EYS: variants seen among roughly 807,000 people sequenced by gnomAD.
EYS encodes the protein protein eyes shut homolog.
EYS carries 250 observed loss-of-function variants against 282.1 expected under a neutral mutation model. The ratio of observed to expected loss-of-function variants is 0.89; its 90% CI spans 0.80 to 0.98. The LOEUF (loss-of-function observed/expected upper bound fraction) is 0.98, where lower values mean the gene tolerates loss of function less well. EYS is among the 50% of genes least tolerant of loss of function. EYS has a pLI of 0.00. For missense variants in EYS, 4,016 were observed against 3,709.0 expected, an observed-to-expected ratio of 1.08 and a Z score of -2.15; for synonymous variants, 1,355 against 1,282.9, an observed-to-expected ratio of 1.06 and a Z score of -1.20.
chr6:65,706,337 T>G (rs1221791824), intron 1 of EYS, among the ~76,000 whole-genome samples: 1 of 151,990 alleles, frequency 6.6e-6, no homozygotes, highest in Non-Finnish European at 1.5e-5. Context: ...TAGTTCAACA[T>G]ACCTGATTTC....
Position 63,935,126 on chromosome 6 carries a change from CA to C in EYS, c.7055+49256del, listed in dbSNP as rs1765018534. On this transcript the variant is annotated intron_variant, in intron 35 of 42. Transcript: ENST00000503581. ...ATGGAAATTTTTCCAGAGTGTAACA[CA>C]CATGATTTTTGAGTAGTTTTTCTGG... Among the ~76,000 whole-genome samples the C allele has an allele frequency of 3.9e-5, 6 of 152,140 alleles. No individual in the cohort carries two copies. In the South Asian group the frequency reaches 1.2e-3, roughly 32 times the overall value.
intron 1 of EYS, among the ~76,000 whole-genome samples, chr6:65,677,452 AC>A (rs1768660662): frequency 6.6e-6 from 1 of 152,002 alleles, no homozygotes; most frequent in Non-Finnish European, 1.5e-5. Context: ...TAAGTTAAAA[AC>A]AATACCATTT....
At chr6:64,061,376 T>G (rs1771165394) in intron 33 of EYS, among the ~76,000 whole-genome samples, 1 of 152,140 alleles carries the variant, frequency 6.6e-6, no homozygotes, top group Non-Finnish European at 1.5e-5. Context: ...AACCAATAGC[T>G]CTCTCTATGT....
At chr6:64,668,327 G>A (rs1459120912) in intron 22 of EYS, among the ~76,000 whole-genome samples, 1 of 152,038 alleles carries the variant, frequency 6.6e-6, no homozygotes, top group Non-Finnish European at 1.5e-5. Flanking sequence ...TGTTTTAAAC[G>A]TACAGAAAAG....
rs138136712 is a variant in EYS at position 64,471,239 on chromosome 6, G to A, written c.5645-31887C>T. 2.0e-5 allele frequency among the ~76,000 whole-genome samples: 3 copies of A among 152,176 alleles called. No homozygotes were observed. In the East Asian group the frequency reaches 5.8e-4, roughly 29 times the overall value. ...ATTTAACATAGCATTGGAATTTTAG[G>A]TAGAGCAATTAGACAAGAACGAAAA... On this transcript the variant is annotated intron_variant, in intron 26 of 42. Coordinates refer to ENST00000503581, the MANE Select transcript of EYS (RefSeq NM_001142800.2).
At chr6:65,348,987 T>A (rs952322758) in intron 9 of EYS, among the ~76,000 whole-genome samples, 1 of 151,716 alleles carries the variant, frequency 6.6e-6, no homozygotes, top group African/African-American at 2.4e-5. Flanking sequence ...TTTCTTTTTA[T>A]GTATTAAAAC....
intron 1 of EYS, among the ~76,000 whole-genome samples, chr6:65,688,761 A>T (rs555825105): frequency 2.0e-5 from 3 of 152,174 alleles, no homozygotes; most frequent in Admixed American, 2.0e-4. Flanking sequence ...CAGCCAAAAG[A>T]CACATGAAAA....
intron 23 of EYS, among the ~76,000 whole-genome samples, chr6:64,622,545 C>A (rs4710277): frequency 0.57 from 85,949 of 151,362 alleles, 24,695 homozygotes; most frequent in South Asian, 0.68. Flanking sequence ...TCACACAGCT[C>A]TGTTTGTACT....
At chr6:63,738,954 T>C (rs192023633) in intron 41 of EYS, among the ~76,000 whole-genome samples, 56 of 152,294 alleles carry the variant, frequency 3.7e-4, no homozygotes, top group Middle Eastern at 3.4e-3. Flanking sequence ...GATTATCTAC[T>C]TACATCATTC....
chr6:64,264,636 G>A (rs914486579), intron 30 of EYS, among the ~76,000 whole-genome samples: 9 of 152,236 alleles, frequency 5.9e-5, no homozygotes, highest in East Asian at 1.9e-4. Context: ...CTGGCTGGGC[G>A]TGGTGGCTCA....
Position 65,295,664 on chromosome 6 carries a change from TG to T in EYS, c.2023+198del, listed in dbSNP as rs1289634964. 3.8e-5 allele frequency: 22 copies of T among 580,812 alleles called. No homozygotes were observed. The Admixed American group carries it at 6.8e-4, about 18-fold the overall frequency. 36.0% of individuals were successfully genotyped at this position (580,812 alleles called of 1,614,324 possible). A position where few individuals can be genotyped will look rare whatever the true frequency, so the allele number is the denominator to read the frequency against. On this transcript the variant is annotated intron_variant, in intron 12 of 42. Transcript: ENST00000503581. ...AGTCTTATTTGCATGAGCAAGGCTGTGTAGTCAGATTAAATTGCCCAAAGAA... is the reference window on the plus strand; with the variant it reads ...AGTCTTATTTGCATGAGCAAGGCTGTTAGTCAGATTAAATTGCCCAAAGAA...
At chr6:64,017,960 A>G (rs1582139272) in intron 33 of EYS, among the ~76,000 whole-genome samples, 1 of 152,280 alleles carries the variant, frequency 6.6e-6, no homozygotes, top group East Asian at 1.9e-4. Context: ...ATGTTCGATT[A>G]TTTTGTATAA....
At chr6:65,595,749 A>G (rs1765381944) in intron 2 of EYS, among the ~76,000 whole-genome samples, 1 of 152,086 alleles carries the variant, frequency 6.6e-6, no homozygotes, top group African/African-American at 2.4e-5. Context: ...CTTTTCACCA[A>G]ATACAGAATA....
At position 65,423,724 on chromosome 6, in the gene EYS, T is replaced by C. The variant is rs916390909; in HGVS notation, c.863-18357A>G. On this transcript the variant is annotated intron_variant, in intron 5 of 42. Coordinates refer to ENST00000503581, the MANE Select transcript of EYS (RefSeq NM_001142800.2). Reference sequence around the variant, plus strand: ...CCCAACTCAAGCAAGGCCACATAATTAGGTTACCCTCTCCTCCCAAACCTA... The same window carrying C: ...CCCAACTCAAGCAAGGCCACATAATCAGGTTACCCTCTCCTCCCAAACCTA... 2.0e-5 allele frequency among the ~76,000 whole-genome samples: 3 copies of C among 151,994 alleles called. No individual in the cohort carries two copies. The South Asian group carries it at 6.2e-4, about 32-fold the overall frequency.
chr6:64,918,338 A>G, intron 15 of EYS, among the ~76,000 whole-genome samples: 1 of 152,176 alleles, frequency 6.6e-6, no homozygotes, highest in Non-Finnish European at 1.5e-5. Flanking sequence ...GTAGCCTAAA[A>G]ACAGTAATAG....
chr6:64,221,835 C>A (rs1184503076), intron 31 of EYS, among the ~76,000 whole-genome samples: 2 of 151,978 alleles, frequency 1.3e-5, no homozygotes, highest in East Asian at 3.9e-4. Flanking sequence ...TGGAGCCAAT[C>A]TCCCGTAAAT....
At chr6:65,098,208 T>C (rs758098352) in intron 12 of EYS, among the ~76,000 whole-genome samples, 9 of 150,716 alleles carry the variant, frequency 6.0e-5, no homozygotes, top group Non-Finnish European at 1.2e-4. Flanking sequence ...TATAACTGGA[T>C]AGAATTGCCT....
intron 31 of EYS, among the ~76,000 whole-genome samples, chr6:64,118,158 C>G (rs2150271581): frequency 6.6e-6 from 1 of 152,124 alleles, no homozygotes; most frequent in Middle Eastern, 3.4e-3. Flanking sequence ...TATCAAAATA[C>G]AAATGACATT....
chr6:64,342,002 A>T (rs932409628), intron 29 of EYS, among the ~76,000 whole-genome samples: 2 of 151,648 alleles, frequency 1.3e-5, no homozygotes, highest in Non-Finnish European at 3.0e-5. Context: ...TACTTATAAG[A>T]GGAGGAGGGA....
Sources: allele counts gnomAD v4.1 joint callset (sites outside exome capture counted in the v4.1 genomes callset), GRCh38; gene constraint gnomAD v4.1.1; transcripts MANE v1.5; gene names NCBI Gene and HGNC (gene_info 2026-07-23, HGNC 2026-07-21).